HDAC4: variants seen among roughly 807,000 people sequenced by gnomAD.
The protein encoded by HDAC4 is histone deacetylase A.
Under a neutral mutation model 135.1 loss-of-function variants are expected in HDAC4, and 16 were observed. The ratio of observed to expected loss-of-function variants is 0.12; its 90% CI spans 0.08 to 0.18. The LOEUF (loss-of-function observed/expected upper bound fraction) is 0.18, where lower values mean the gene tolerates loss of function less well. Ranked by LOEUF, HDAC4 falls within the 10% of genes least tolerant of loss-of-function variation. The pLI, the probability that HDAC4 is intolerant of heterozygous loss-of-function variation, is 1.00. For synonymous variants in HDAC4, 685 were observed against 653.4 expected, an observed-to-expected ratio of 1.05 and a Z score of -0.74; for missense variants, 1,143 against 1,511.8, an observed-to-expected ratio of 0.76 and a Z score of 4.05.
chr2:239,400,470 G>A lies in HDAC4; in HGVS notation c.-220+508C>T, dbSNP rs907480365. 6.8e-6 allele frequency: 1 copy of A among 146,116 alleles called. No individual in the cohort carries two copies. The highest frequency in any genetic ancestry group is 1.5e-5 in the Non-Finnish European group (1 of 65,710). The allele number at this position is 146,116 out of a possible 1,614,324, so 9.1% of individuals were successfully genotyped here. A position where few individuals can be genotyped will look rare whatever the true frequency, so the allele number is the denominator to read the frequency against. ...CCGCCCCGGCGGGCGAAGCCGCCTC[G>A]CGGCGCGGGTGGAAAGGTCCAGAAG... On this transcript the variant is annotated intron_variant, in intron 1 of 26. Transcript: ENST00000543185. The surrounding 1 kb of genome is among the most constrained non-coding windows in gnomAD (Gnocchi z 4.7).
intron 22 of HDAC4, among the ~76,000 whole-genome samples, chr2:239,079,296 C>T (rs1315163083): frequency 1.3e-5 from 2 of 152,200 alleles, no homozygotes; most frequent in Admixed American, 6.5e-5. Context: ...AAAATCAAAC[C>T]GATGAGATCA....
chr2:239,055,429 T>C (rs1391553393), intron 24 of HDAC4: 1 of 165,638 alleles, frequency 6.0e-6, no homozygotes, highest in Non-Finnish European at 1.3e-5. Flanking sequence ...TTAAAAATGG[T>C]TGACTGGCCG....
intron 12 of HDAC4, among the ~76,000 whole-genome samples, chr2:239,123,816 G>A (rs1282609656): frequency 6.6e-6 from 1 of 152,128 alleles, no homozygotes; most frequent in Admixed American, 6.5e-5. Context: ...CTCTCCCCAC[G>A]GCTTTACCTC....
At chr2:239,220,971 T>C (rs767743307) in intron 3 of HDAC4, among the ~76,000 whole-genome samples, 1 of 152,158 alleles carries the variant, frequency 6.6e-6, no homozygotes, top group African/African-American at 2.4e-5. Flanking sequence ...GTTGTCATCA[T>C]GACCAAGGCG....
chr2:239,362,899 C>T (rs902426277), intron 1 of HDAC4, among the ~76,000 whole-genome samples: 1 of 152,150 alleles, frequency 6.6e-6, no homozygotes, highest in Non-Finnish European at 1.5e-5. Flanking sequence ...ACACAGAAAA[C>T]TCAAAACAAT....
chr2:239,372,170 G>A (rs1694669157), intron 1 of HDAC4, among the ~76,000 whole-genome samples: 1 of 152,168 alleles, frequency 6.6e-6, no homozygotes, highest in Non-Finnish European at 1.5e-5. Flanking sequence ...CTGGACAGTG[G>A]GCCCCAGGAC....
intron 11 of HDAC4, among the ~76,000 whole-genome samples, chr2:239,128,223 T>TA (rs1490305547): frequency 1.3e-5 from 2 of 151,922 alleles, no homozygotes; most frequent in African/African-American, 2.4e-5. Flanking sequence ...CCTGAAAACG[T>TA]AAAAAAAGAA....
chr2:239,345,958 T>C (rs967821256), intron 2 of HDAC4, among the ~76,000 whole-genome samples: 11 of 137,176 alleles, frequency 8.0e-5, no homozygotes, highest in Non-Finnish European at 4.6e-5. Flanking sequence ...CTAACACACA[T>C]ACACACCGTC....
intron 2 of HDAC4, among the ~76,000 whole-genome samples, chr2:239,294,289 G>GTCCC (rs10622509): frequency 0.55 from 83,610 of 151,936 alleles, 23,671 homozygotes; most frequent in East Asian, 0.86. Flanking sequence ...CAGGGAAGCT[G>GTCCC]TTCGCCGTGA....
intron 13 of HDAC4, among the ~76,000 whole-genome samples, 200 bp from the exon 14 acceptor site, chr2:239,111,912 G>C (rs954751376): frequency 6.6e-6 from 1 of 152,226 alleles, no homozygotes. Flanking sequence ...AGCCAAGAAC[G>C]AGGCCAGCAC....
chr2:239,084,935 A>G (rs1242357610), intron 19 of HDAC4, among the ~76,000 whole-genome samples: 1 of 146,270 alleles, frequency 6.8e-6, no homozygotes, highest in Non-Finnish European at 1.5e-5. Flanking sequence ...CCCATACAGA[A>G]ACACTCACAC....
At chr2:239,128,828 G>A (rs953189969) in intron 11 of HDAC4, among the ~76,000 whole-genome samples, 1 of 152,160 alleles carries the variant, frequency 6.6e-6, no homozygotes, top group Non-Finnish European at 1.5e-5. Flanking sequence ...AGAGGAGAAG[G>A]ACACGCCAAC....
In HDAC4 at chr2:239,115,107, C is replaced by T. The variant is rs2152809378; in HGVS notation, c.1737G>A (p.Arg579=). The T allele has an allele frequency of 3.1e-6, 5 of 1,611,808 alleles. No individual in the cohort carries two copies. The highest frequency in any genetic ancestry group is 1.1e-5 in the South Asian group (1 of 91,088). The part of the protein sequence containing the change: ...ESDEEEAEPP[R]EVEPGQRQPS... Reference sequence around the variant, plus strand: ...GCTGGCGCTGGCCCGGCTCCACCTCCCGTGGGGGCTCTGCCTCTTCCTCAT... The same window carrying T: ...GCTGGCGCTGGCCCGGCTCCACCTCTCGTGGGGGCTCTGCCTCTTCCTCAT... The change falls in exon 13 of 27, where the codon CGG becomes CGA. Residue 579 remains arginine, a synonymous_variant. Coordinates refer to ENST00000543185, the MANE Select transcript of HDAC4 (RefSeq NM_001378414.1). This position sits in a 1 kb window ranked among gnomAD's most constrained non-coding sequence, Gnocchi z 6.3.
Position 239,306,580 on chromosome 2 carries a change from G to C in HDAC4, c.22+46098C>G, listed in dbSNP as rs2052596508. Among the ~76,000 whole-genome samples, 1 of 152,256 alleles carries C rather than the reference G, an allele frequency of 6.6e-6. No homozygotes were observed. Among genetic ancestry groups the C allele is most frequent in the South Asian group, 2.1e-4 (1 of 4,826 alleles). ...CATGATACAAAACATAAGCTGGAAA[G>C]GGTGCTCTTCACCTAAACAAGGTCA... On this transcript the variant is annotated intron_variant, in intron 2 of 26. Coordinates refer to ENST00000543185, the MANE Select transcript of HDAC4 (RefSeq NM_001378414.1). The surrounding 1 kb of genome is among the most constrained non-coding windows in gnomAD (Gnocchi z 4.5).
chr2:239,183,709 C>T lies in HDAC4; in HGVS notation c.339+6124G>A, dbSNP rs73103310. On this transcript the variant is annotated intron_variant, in intron 4 of 26. Coordinates refer to ENST00000543185, the MANE Select transcript of HDAC4 (RefSeq NM_001378414.1). The stretch of plus-strand genomic sequence containing the variant: ...CTCCAAACCAAGAGTGTGCTCCTGC[C>T]CCCTGCCTCCCCACCGCACCCCTGT... Among the ~76,000 whole-genome samples the T allele has an allele frequency of 5.8e-3, 878 of 152,260 alleles. 7 individuals carry two copies. Among genetic ancestry groups the T allele is most frequent in the African/African-American group, 0.016 (650 of 41,548 alleles).
intron 3 of HDAC4, among the ~76,000 whole-genome samples, chr2:239,228,247 T>C (rs892668401): frequency 1.3e-5 from 2 of 152,172 alleles, no homozygotes; most frequent in African/African-American, 2.4e-5. Flanking sequence ...AGGAGCAGCC[T>C]GCTGGAGGCC....
intron 14 of HDAC4, among the ~76,000 whole-genome samples, 162 bp downstream of exon 14, chr2:239,111,364 G>T (rs1212895549): frequency 1.3e-5 from 2 of 152,106 alleles, no homozygotes; most frequent in African/African-American, 4.8e-5. Context: ...GCGGGGAGAG[G>T]GCCTCTGTGA....
At chr2:239,077,346 C>T (rs756675291) in intron 22 of HDAC4, among the ~76,000 whole-genome samples, 2 of 152,272 alleles carry the variant, frequency 1.3e-5, no homozygotes, top group African/African-American at 4.8e-5. Context: ...GGGGGCTTGC[C>T]TCCTCCAGAA....
chr2:239,366,745 G>A (rs1033655011), intron 1 of HDAC4, among the ~76,000 whole-genome samples: 10 of 152,144 alleles, frequency 6.6e-5, no homozygotes, highest in Non-Finnish European at 1.3e-4. Context: ...TGAACACCCC[G>A]AGAGAGCAAA....
Sources: allele counts gnomAD v4.1 joint callset (sites outside exome capture counted in the v4.1 genomes callset), GRCh38; gene constraint gnomAD v4.1.1; non-coding constraint Gnocchi (gnomAD v3.1); transcripts MANE v1.5; gene names NCBI Gene and HGNC (gene_info 2026-07-23, HGNC 2026-07-21).